JMJD1C: variants seen among roughly 807,000 people sequenced by gnomAD.
JMJD1C encodes jumonji domain-containing protein 1C.
JMJD1C carries 31 observed loss-of-function variants against 245.3 expected under a neutral mutation model. That is an observed-to-expected ratio of 0.13 (90% CI 0.09 to 0.17). JMJD1C has a LOEUF of 0.17. JMJD1C is among the 10% of genes least tolerant of loss of function. The pLI is 1.00. For synonymous variants in JMJD1C, 1,057 were observed against 1,017.4 expected, an observed-to-expected ratio of 1.04 and a Z score of -0.74; for missense variants, 2,691 against 3,000.2, an observed-to-expected ratio of 0.90 and a Z score of 2.41.
intron 1 of JMJD1C, among the ~76,000 whole-genome samples, chr10:63,460,008 C>T (rs2133080810): frequency 6.6e-6 from 1 of 152,292 alleles, no homozygotes; most frequent in Middle Eastern, 3.4e-3. Context: ...GCAGCAGTTC[C>T]AGACTCATAC....
chr10:63,394,290 C>T lies in JMJD1C; in HGVS notation c.169-13808G>A, dbSNP rs1948307240. ...AGTCCAGAAACAGATCCAAACAGAA[C>T]TGACAATTGAATTTTTTTAAAAAAT... On this transcript the variant is annotated intron_variant, in intron 1 of 25. Coordinates refer to ENST00000399262, the MANE Select transcript of JMJD1C (RefSeq NM_032776.3). 2.0e-5 allele frequency among the ~76,000 whole-genome samples: 3 copies of T among 151,170 alleles called. 1 individual carries two copies. The highest frequency in any genetic ancestry group is 2.0e-4 in the Admixed American group (3 of 15,202).
chr10:63,191,168 G>T, intron 16 of JMJD1C, 60 bp from the exon 17 acceptor site: 1 of 1,394,214 alleles, frequency 7.2e-7, no homozygotes, highest in Admixed American at 1.7e-5. Context: ...GTCTCATTCT[G>T]TCGCCCAGGC....
At chr10:63,447,041 A>G (rs968934830) in intron 1 of JMJD1C, among the ~76,000 whole-genome samples, 1 of 151,092 alleles carries the variant, frequency 6.6e-6, no homozygotes, top group African/African-American at 2.4e-5. Flanking sequence ...GTATAACTCT[A>G]AGGACAAAAT....
At chr10:63,307,282 T>C (rs1418394631) in intron 2 of JMJD1C, among the ~76,000 whole-genome samples, 2 of 152,172 alleles carry the variant, frequency 1.3e-5, no homozygotes, top group Non-Finnish European at 2.9e-5. Context: ...AAAACATATA[T>C]GGAACAACTA....
At chr10:63,220,354 T>C (rs1311649113) in intron 3 of JMJD1C, among the ~76,000 whole-genome samples, 1 of 152,184 alleles carries the variant, frequency 6.6e-6, no homozygotes. Context: ...AGGTGAACAT[T>C]TGAATGACAA....
chr10:63,278,975 C>T (rs1009232471), intron 2 of JMJD1C, among the ~76,000 whole-genome samples: 1 of 152,120 alleles, frequency 6.6e-6, no homozygotes, highest in African/African-American at 2.4e-5. Flanking sequence ...GCTGGCTACG[C>T]ACGGTAGCTC....
intron 25 of JMJD1C, 46 bp downstream of exon 25, chr10:63,168,389 A>C (rs1218304720): frequency 6.4e-7 from 1 of 1,553,004 alleles, no homozygotes; most frequent in East Asian, 2.2e-5. Flanking sequence ...CATATTTCTG[A>C]ATATAAAAAG....
intron 2 of JMJD1C, among the ~76,000 whole-genome samples, chr10:63,332,953 A>G (rs1330514532): frequency 1.3e-5 from 2 of 152,196 alleles, no homozygotes; most frequent in African/African-American, 4.8e-5. Flanking sequence ...ACCACAATAC[A>G]TACCATGAAT....
intron 1 of JMJD1C, among the ~76,000 whole-genome samples, chr10:63,411,928 TA>T (rs1264458594): frequency 3.9e-5 from 5 of 129,030 alleles, no homozygotes; most frequent in African/African-American, 1.4e-4. Context: ...TTTTTTTTTT[TA>T]AATAGAGACA....
chr10:63,483,671 C>T (rs1953896057), intron 1 of JMJD1C, among the ~76,000 whole-genome samples: 1 of 152,158 alleles, frequency 6.6e-6, no homozygotes, highest in South Asian at 2.1e-4. Flanking sequence ...GATTATCTTC[C>T]CCAAATGCAT....
intron 2 of JMJD1C, among the ~76,000 whole-genome samples, chr10:63,332,293 G>C (rs554664283): frequency 4.5e-4 from 69 of 152,288 alleles, no homozygotes; most frequent in Non-Finnish European, 7.9e-4. Flanking sequence ...CACTAAATTT[G>C]ATGTCAATTC....
rs34009425 is a variant in JMJD1C, at chr10:63,511,728, A to AT, written n.113+10009_113+10010insA. On this transcript the variant is annotated intron_variant and non_coding_transcript_variant, in intron 1 of 3. Coordinates refer to the JMJD1C transcript ENST00000633035. ...CAAGACTCCATCTCAAAAAAAAAAAAATATATACAGTATTTGTGGGATGTG... is the reference window on the plus strand; with the variant it reads ...CAAGACTCCATCTCAAAAAAAAAAAATATATATACAGTATTTGTGGGATGTG... Among the ~76,000 whole-genome samples, 871 of 151,800 alleles carry AT rather than the reference A, an allele frequency of 5.7e-3. 13 individuals are homozygous for AT. The highest frequency in any genetic ancestry group is 9.2e-3 in the Non-Finnish European group (627 of 67,894).
At chr10:63,360,110 G>A (rs1267354525) in intron 2 of JMJD1C, among the ~76,000 whole-genome samples, 1 of 152,012 alleles carries the variant, frequency 6.6e-6, no homozygotes, top group Non-Finnish European at 1.5e-5. Context: ...AACAGTTGAA[G>A]ACCAGTTTGG....
rs1239711823 is a variant in JMJD1C at position 63,191,421 on chromosome 10, A to G, written c.6077-313T>C. On this transcript the variant is annotated intron_variant, in intron 16 of 25. Coordinates refer to ENST00000399262, the MANE Select transcript of JMJD1C (RefSeq NM_032776.3). ...ACTGCTGGGATTACAGGCGTGAGCC[A>G]TTGTGCGCAGCCCTTACAAATTTTA... is the stretch of plus-strand genomic sequence containing the variant. Among the ~76,000 whole-genome samples, 3 of 152,196 alleles carry G rather than the reference A, an allele frequency of 2.0e-5. No individual in the cohort carries two copies. In the East Asian group the frequency reaches 5.8e-4, roughly 29 times the overall value.
At chr10:63,373,457 C>T (rs1457607338) in intron 2 of JMJD1C, among the ~76,000 whole-genome samples, 2 of 152,140 alleles carry the variant, frequency 1.3e-5, no homozygotes, top group African/African-American at 4.8e-5. Flanking sequence ...TTTGTCTTGT[C>T]ATGATCTCAA....
At chr10:63,183,092 C>T (rs910425915) in intron 22 of JMJD1C, among the ~76,000 whole-genome samples, 26 of 152,126 alleles carry the variant, frequency 1.7e-4, no homozygotes, top group Non-Finnish European at 3.4e-4. Context: ...AACTCCTGAC[C>T]TCCAGTGATT....
chr10:63,234,545 A>C (rs1452319738), intron 3 of JMJD1C, among the ~76,000 whole-genome samples: 1 of 147,746 alleles, frequency 6.8e-6, no homozygotes, highest in Admixed American at 6.7e-5. Flanking sequence ...AACCTTCCCT[A>C]TCCTATAAAA....
intron 2 of JMJD1C, among the ~76,000 whole-genome samples, chr10:63,365,191 A>G (rs7910449): frequency 0.99 from 150,046 of 152,304 alleles, 73,944 homozygotes; most frequent in Middle Eastern, 1. Flanking sequence ...CCTCTGTATC[A>G]CTTTTCCTTA....
intron 1 of JMJD1C, among the ~76,000 whole-genome samples, chr10:63,451,926 C>T (rs1425808412): frequency 2.0e-5 from 3 of 152,106 alleles, no homozygotes; most frequent in Non-Finnish European, 4.4e-5. Flanking sequence ...TTACACCATA[C>T]ACAAAAGTCA....
Sources: gnomAD v4.1 joint callset for allele counts (sites outside exome capture counted in the v4.1 genomes callset) on GRCh38, gnomAD v4.1.1 for gene constraint, MANE v1.5 for transcripts, NCBI Gene and HGNC (gene_info 2026-07-23, HGNC 2026-07-21) for gene names.